The following RAD51B variants were observed in gnomAD, a reference collection of about 807,000 sequenced individuals.
The protein encoded by RAD51B is DNA repair protein RAD51 homolog 2.
In RAD51B, 38 loss-of-function variants were observed where a neutral mutation model predicts 42.2. The ratio of observed to expected loss-of-function variants is 0.90; its 90% CI spans 0.70 to 1.18. The LOEUF is 1.18. Ranked by LOEUF, RAD51B falls within the 50% of genes most tolerant of loss-of-function variation. The pLI is 0.00. For synonymous variants in RAD51B, 154 were observed against 145.2 expected, an observed-to-expected ratio of 1.06 and a Z score of -0.43; for missense variants, 373 against 400.7, an observed-to-expected ratio of 0.93 and a Z score of 0.59.
chr14:68,385,261 G>A (rs1017517125), intron 8 of RAD51B, among the ~76,000 whole-genome samples: 1 of 152,138 alleles, frequency 6.6e-6, no homozygotes, highest in African/African-American at 2.4e-5. Context: ...TCAAGGTGAA[G>A]TTTTCTCCCC....
chr14:68,421,989 T>G lies in RAD51B; in HGVS notation c.957+10462T>G. On this transcript the variant is annotated intron_variant, in intron 9 of 10. Coordinates refer to ENST00000471583, the MANE Select transcript of RAD51B (RefSeq NM_133510.4). Reference sequence around the variant, plus strand: ...GGACTTGCCACCAGTGCCATTATGGTGACTTCACAGTCACCACCCTGACAC... The same window carrying G: ...GGACTTGCCACCAGTGCCATTATGGGGACTTCACAGTCACCACCCTGACAC... 3.9e-6 allele frequency: 6 copies of G among 1,529,746 alleles called. No homozygotes were observed. In the South Asian group the frequency reaches 6.7e-5, roughly 17 times the overall value. 94.8% of individuals were successfully genotyped at this position (1,529,746 alleles called of 1,614,324 possible).
chr14:67,863,251 G>C (rs2139984419), intron 4 of RAD51B, among the ~76,000 whole-genome samples: 2 of 150,586 alleles, frequency 1.3e-5, no homozygotes, highest in South Asian at 4.2e-4. Flanking sequence ...TCAGCCTCTG[G>C]GATTACAGGC....
chr14:68,322,106 G>T (rs1231788606), intron 8 of RAD51B, among the ~76,000 whole-genome samples: 1 of 152,128 alleles, frequency 6.6e-6, no homozygotes. Context: ...ACTTAGAACA[G>T]TGCTTAGCAT....
chr14:68,142,342 G>A (rs540669549), intron 7 of RAD51B, among the ~76,000 whole-genome samples: 5 of 152,202 alleles, frequency 3.3e-5, no homozygotes, highest in East Asian at 1.9e-4. Flanking sequence ...TAAGGGTTAC[G>A]TATTTCTGAG....
intron 7 of RAD51B, among the ~76,000 whole-genome samples, chr14:68,155,124 G>A (rs975627214): frequency 2.0e-4 from 30 of 151,896 alleles, no homozygotes; most frequent in Non-Finnish European, 2.9e-5. Flanking sequence ...GGTAAGTTTT[G>A]TTGAACATGT....
At chr14:68,164,156 A>T (rs2078703173) in intron 7 of RAD51B, among the ~76,000 whole-genome samples, 1 of 152,196 alleles carries the variant, frequency 6.6e-6, no homozygotes, top group African/African-American at 2.4e-5. Context: ...TTTCACAGGA[A>T]AGTAATTACA....
chr14:68,665,166 C>CTTTT (rs1279089475), intron 11 of RAD51B, among the ~76,000 whole-genome samples: 35 of 152,276 alleles, frequency 2.3e-4, no homozygotes, highest in Admixed American at 2.1e-3. Context: ...GTTGGCAAGA[C>CTTTT]AGCAAGGAGA....
chr14:68,410,225 C>T (rs1184535160), intron 8 of RAD51B, among the ~76,000 whole-genome samples: 2 of 152,160 alleles, frequency 1.3e-5, no homozygotes, highest in African/African-American at 4.8e-5. Flanking sequence ...CACTGAACTA[C>T]ATTTGTCTGT....
chr14:68,157,845 G>A (rs955299747), intron 7 of RAD51B, among the ~76,000 whole-genome samples: 1 of 152,058 alleles, frequency 6.6e-6, no homozygotes, highest in African/African-American at 2.4e-5. Context: ...TGGGTAGCTC[G>A]TGGCCATTAG....
At chr14:68,128,334 G>T (rs113853708) in intron 7 of RAD51B, among the ~76,000 whole-genome samples, 1 of 152,142 alleles carries the variant, frequency 6.6e-6, no homozygotes, top group African/African-American at 2.4e-5. Flanking sequence ...CGCAAGAGGA[G>T]TTTCTTTGCA....
chr14:68,578,225 AGACCAACCT>A (rs1326903809), intron 10 of RAD51B, among the ~76,000 whole-genome samples: 1 of 152,196 alleles, frequency 6.6e-6, no homozygotes, highest in African/African-American at 2.4e-5. Context: ...CAGGAGTTCG[AGACCAACCT>A]GGCTAACATG....
intron 7 of RAD51B, among the ~76,000 whole-genome samples, chr14:67,929,495 A>G (rs2044648267): frequency 6.6e-6 from 1 of 152,182 alleles, no homozygotes; most frequent in African/African-American, 2.4e-5. Context: ...TTTATAGCCT[A>G]ACATATGGTA....
intron 7 of RAD51B, among the ~76,000 whole-genome samples, chr14:68,244,311 T>G (rs1403586763): frequency 6.6e-6 from 1 of 152,250 alleles, no homozygotes. Context: ...GGCTTTTTCC[T>G]GTATTTGGGA....
At chr14:68,283,135 T>C (rs2081351254) in intron 7 of RAD51B, among the ~76,000 whole-genome samples, 1 of 152,188 alleles carries the variant, frequency 6.6e-6, no homozygotes, top group Non-Finnish European at 1.5e-5. Flanking sequence ...AGCTGTGTCT[T>C]TCTAATCCTC....
chr14:67,886,284 C>T (rs2043058822), intron 6 of RAD51B, among the ~76,000 whole-genome samples: 2 of 152,150 alleles, frequency 1.3e-5, no homozygotes, highest in Non-Finnish European at 2.9e-5. Context: ...CATATTATTT[C>T]ACATAGTTTC....
intron 10 of RAD51B, among the ~76,000 whole-genome samples, chr14:68,589,018 A>T (rs971685003): frequency 2.0e-5 from 3 of 152,168 alleles, no homozygotes. Context: ...CAGTTGGGTG[A>T]CCTGGGGCGA....
chr14:68,173,054 C>A (rs1237878695), intron 7 of RAD51B, among the ~76,000 whole-genome samples: 2 of 152,082 alleles, frequency 1.3e-5, no homozygotes, highest in African/African-American at 4.8e-5. Flanking sequence ...TTGTGAAAAC[C>A]TAGTTTGTAA....
chr14:67,948,659 C>T (rs1433536767), intron 7 of RAD51B, among the ~76,000 whole-genome samples: 2 of 151,802 alleles, frequency 1.3e-5, no homozygotes, highest in Non-Finnish European at 2.9e-5. Context: ...AGGCCGGGCA[C>T]GGTGGCTCAC....
chr14:68,422,967 G>A (rs1465604113), intron 9 of RAD51B, among the ~76,000 whole-genome samples: 1 of 152,006 alleles, frequency 6.6e-6, no homozygotes, highest in East Asian at 1.9e-4. Flanking sequence ...TTTTCACTGA[G>A]GGTCTCTTTC....
Sources: allele counts gnomAD v4.1 joint callset (sites outside exome capture counted in the v4.1 genomes callset), GRCh38; gene constraint gnomAD v4.1.1; transcripts MANE v1.5; gene names NCBI Gene and HGNC (gene_info 2026-07-23, HGNC 2026-07-21).